GLT1D1: variants seen among roughly 807,000 people sequenced by gnomAD.
GLT1D1 encodes the protein glycosyltransferase 1 domain-containing protein 1.
Under a neutral mutation model 28.7 loss-of-function variants are expected in GLT1D1, and 21 were observed. The ratio of observed to expected loss-of-function variants is 0.73; its 90% CI spans 0.52 to 1.05. The LOEUF (loss-of-function observed/expected upper bound fraction) is 1.05. Ranked by LOEUF, GLT1D1 falls within the 50% of genes least tolerant of loss-of-function variation. GLT1D1 has a pLI of 0.00. For synonymous variants in GLT1D1, 147 were observed against 124.8 expected, an observed-to-expected ratio of 1.18 and a Z score of -1.19; for missense variants, 343 against 330.6, an observed-to-expected ratio of 1.04 and a Z score of -0.29.
chr12:128,959,783 T>C (rs998975560), intron 7 of GLT1D1, among the ~76,000 whole-genome samples: 2 of 152,210 alleles, frequency 1.3e-5, no homozygotes, highest in Non-Finnish European at 2.9e-5. Flanking sequence ...CCAGCCAAGC[T>C]TCAGGTCAGT....
At chr12:128,858,987 G>A (rs927875475) in intron 1 of GLT1D1, among the ~76,000 whole-genome samples, 17 of 152,072 alleles carry the variant, frequency 1.1e-4, no homozygotes, top group African/African-American at 3.6e-4. Flanking sequence ...CCCATGCTTT[G>A]AGTTGTCCTG....
chr12:128,932,194 G>A (rs1021890009), intron 4 of GLT1D1, among the ~76,000 whole-genome samples: 6 of 152,174 alleles, frequency 3.9e-5, no homozygotes, highest in Non-Finnish European at 8.8e-5. Flanking sequence ...GATTTCCAGA[G>A]ATCCCCCCTC....
chr12:128,904,318 A>G (rs1870609399), intron 4 of GLT1D1, among the ~76,000 whole-genome samples: 1 of 151,866 alleles, frequency 6.6e-6, no homozygotes, highest in Non-Finnish European at 1.5e-5. Flanking sequence ...TGGTACAGGT[A>G]ACTTTTGTAT....
intron 7 of GLT1D1, among the ~76,000 whole-genome samples, chr12:128,958,129 C>T (rs1268847153): frequency 2.6e-5 from 4 of 152,176 alleles, no homozygotes; most frequent in African/African-American, 4.8e-5. Context: ...GCTGGTTATC[C>T]AGTAACTTCT....
At chr12:128,942,090 T>C (rs913571413) in intron 4 of GLT1D1, among the ~76,000 whole-genome samples, 32 of 152,026 alleles carry the variant, frequency 2.1e-4, no homozygotes, top group African/African-American at 6.3e-4. Flanking sequence ...TCTTCTTTTT[T>C]TTTTTTCCAC....
Position 128,957,564 on chromosome 12 carries a change from C to T in GLT1D1, c.560C>T (p.Pro187Leu), listed in dbSNP as rs145561721. Reference sequence around the variant, plus strand: ...CTCCAGGCAATGGATTTAGAAGTACCGGTATTGGCCAGGAACATCCCCGGG... The same window carrying T: ...CTCCAGGCAATGGATTTAGAAGTACTGGTATTGGCCAGGAACATCCCCGGG... The change falls in exon 7 of 8, where the codon CCG (proline) becomes CTG (leucine). Residue 187 changes from proline (P) to leucine (L), a missense_variant. Pro to Leu is a moderately conservative substitution (Grantham distance 98). Transcript: ENST00000281703. The T allele has an allele frequency of 3.3e-5, 54 of 1,612,814 alleles. No homozygotes were observed. Among genetic ancestry groups the T allele is most frequent in the Non-Finnish European group, 4.2e-5 (49 of 1,179,060 alleles).
chr12:128,972,856 A>G (rs1030530266), intron 7 of GLT1D1, among the ~76,000 whole-genome samples: 1 of 152,194 alleles, frequency 6.6e-6, no homozygotes, highest in Non-Finnish European at 1.5e-5. Flanking sequence ...GTGTGCATCC[A>G]TTGTGCAATG....
chr12:128,951,908 G>A (rs1310878935), intron 6 of GLT1D1, among the ~76,000 whole-genome samples: 2 of 152,240 alleles, frequency 1.3e-5, no homozygotes, highest in Non-Finnish European at 2.9e-5. Context: ...TGAGTGGGTT[G>A]TGTTGCATCT....
At chr12:128,889,258 T>C (rs534702174) in intron 3 of GLT1D1, among the ~76,000 whole-genome samples, 1 of 152,276 alleles carries the variant, frequency 6.6e-6, no homozygotes, top group Admixed American at 6.5e-5. Context: ...TTGGCATGGG[T>C]CTTATCTATG....
At chr12:128,971,447 TCTCTCCCTCCA>T (rs1879052931) in intron 7 of GLT1D1, among the ~76,000 whole-genome samples, 1 of 93,216 alleles carries the variant, frequency 1.1e-5, no homozygotes, top group Non-Finnish European at 2.1e-5. Context: ...CCTCCCTTCC[TCTCTCCCTCCA>T]TCCCTCCCTC....
At chr12:128,957,135 T>G (rs1230872156) in intron 6 of GLT1D1, among the ~76,000 whole-genome samples, 1 of 152,180 alleles carries the variant, frequency 6.6e-6, no homozygotes, top group Non-Finnish European at 1.5e-5. Flanking sequence ...AGAGCTGAGT[T>G]TGGTTTTTGT....
chr12:128,957,267 A>G (rs1049576916), intron 6 of GLT1D1, among the ~76,000 whole-genome samples: 2 of 152,214 alleles, frequency 1.3e-5, no homozygotes, highest in African/African-American at 2.4e-5. Context: ...GAGCATTCAG[A>G]GAGAGGGGGT....
chr12:128,928,684 G>T (rs1327094323), intron 4 of GLT1D1, among the ~76,000 whole-genome samples: 1 of 144,038 alleles, frequency 6.9e-6, no homozygotes, highest in Non-Finnish European at 1.5e-5. Context: ...ACAATGGTGT[G>T]ATCTCGGCTC....
intron 4 of GLT1D1, among the ~76,000 whole-genome samples, chr12:128,940,007 T>G (rs1373293549): frequency 6.6e-6 from 1 of 151,944 alleles, no homozygotes; most frequent in Non-Finnish European, 1.5e-5. Flanking sequence ...TGTGCATATA[T>G]AAGATTAAGC....
intron 4 of GLT1D1, chr12:128,944,774 G>A (rs1315687207): frequency 2.2e-6 from 1 of 459,326 alleles, no homozygotes; most frequent in Non-Finnish European, 4.1e-6. Flanking sequence ...GTCAATGAAA[G>A]CCTTGGCTAA....
intron 2 of GLT1D1, among the ~76,000 whole-genome samples, chr12:128,883,206 G>A (rs1243627891): frequency 1.3e-5 from 2 of 151,786 alleles, no homozygotes; most frequent in Non-Finnish European, 2.9e-5. Flanking sequence ...TTAGAGGCGT[G>A]AGCCACCACG....
intron 4 of GLT1D1, among the ~76,000 whole-genome samples, chr12:128,900,260 A>G (rs1435722169): frequency 6.6e-6 from 1 of 152,266 alleles, no homozygotes; most frequent in African/African-American, 2.4e-5. Flanking sequence ...CACAATGTGC[A>G]TGCCCTGATC....
At chr12:128,879,404 T>TTCTC (rs1425534396) in intron 2 of GLT1D1, among the ~76,000 whole-genome samples, 1 of 93,276 alleles carries the variant, frequency 1.1e-5, no homozygotes, top group African/African-American at 4.6e-5. Flanking sequence ...CTTTCTTTCT[T>TTCTC]TCTTTCTTTC....
At chr12:128,976,953 C>G (rs930708168) in intron 7 of GLT1D1, among the ~76,000 whole-genome samples, 1 of 152,196 alleles carries the variant, frequency 6.6e-6, no homozygotes, top group Non-Finnish European at 1.5e-5. Flanking sequence ...CAAGACCAGC[C>G]TAGCCAACAT....
Sources: allele counts gnomAD v4.1 joint callset (sites outside exome capture counted in the v4.1 genomes callset), GRCh38; gene constraint gnomAD v4.1.1; transcripts MANE v1.5; gene names NCBI Gene and HGNC (gene_info 2026-07-23, HGNC 2026-07-21).